Variants in PVALB observed in about 807,000 individuals in gnomAD.
PVALB encodes the protein parvalbumin alpha.
Under a neutral mutation model 10.9 loss-of-function variants are expected in PVALB, and 11 were observed. The ratio of observed to expected loss-of-function variants is 1.01; its 90% CI spans 0.63 to 1.67. The LOEUF is 1.67. PVALB is among the 40% of genes most tolerant of loss of function. PVALB has a pLI of 0.00. For synonymous variants in PVALB, 57 were observed against 50.7 expected, an observed-to-expected ratio of 1.12 and a Z score of -0.53; for missense variants, 131 against 136.2, an observed-to-expected ratio of 0.96 and a Z score of 0.19.
intron 3 of PVALB, among the ~76,000 whole-genome samples, chr22:36,803,253 T>C (rs1938896204): frequency 6.6e-6 from 1 of 152,236 alleles, no homozygotes; most frequent in Non-Finnish European, 1.5e-5. Flanking sequence ...CCGACCTACT[T>C]TGACCTTGGT....
Position 36,800,819 on chromosome 22 carries a change from A to T in PVALB, c.*71T>A. 6.7e-7 allele frequency: 1 copy of T among 1,482,686 alleles called. No individual in the cohort carries two copies. Among genetic ancestry groups the T allele is most frequent in the Non-Finnish European group, 9.4e-7 (1 of 1,060,398 alleles). The allele number at this position is 1,482,686 out of a possible 1,614,324, so 91.8% of individuals were successfully genotyped here. Reference sequence around the variant, plus strand: ...TAAACGAACTGAACAGAAATGCAGGAGGGTGGCGAGAGGGGCCGAGATTGG... The same window carrying T: ...TAAACGAACTGAACAGAAATGCAGGTGGGTGGCGAGAGGGGCCGAGATTGG... On this transcript the variant is annotated 3_prime_UTR_variant, in exon 4 of 4. Coordinates refer to ENST00000417718, the MANE Select transcript of PVALB (RefSeq NM_001315532.2).
intron 3 of PVALB, among the ~76,000 whole-genome samples, chr22:36,802,528 G>C (rs1359444566): frequency 6.8e-6 from 1 of 147,596 alleles, no homozygotes; most frequent in African/African-American, 2.6e-5. Flanking sequence ...TTGAACACAG[G>C]AGGCAGAGGT....
chr22:36,800,767 C>T lies in PVALB; in HGVS notation c.*123G>A. The T allele has an allele frequency of 1.8e-6, 2 of 1,088,886 alleles. No individual in the cohort carries two copies. The highest frequency in any genetic ancestry group is 3.5e-5 in the Admixed American group (2 of 57,620). 67.5% of individuals were successfully genotyped at this position (1,088,886 alleles called of 1,614,324 possible). A position where few individuals can be genotyped will look rare whatever the true frequency, so the allele number is the denominator to read the frequency against. On this transcript the variant is annotated 3_prime_UTR_variant, in exon 4 of 4. Coordinates refer to ENST00000417718, the MANE Select transcript of PVALB (RefSeq NM_001315532.2). ...GAAGAATGGTGTCATTAGAGGGCCACAGGGGATGGGGGAGTAAAAAATAAC... is the reference window on the plus strand; with the variant it reads ...GAAGAATGGTGTCATTAGAGGGCCATAGGGGATGGGGGAGTAAAAAATAAC...
rs770824032 is a variant in PVALB at position 36,800,853 on chromosome 22, G to A, written c.*37C>T. On this transcript the variant is annotated 3_prime_UTR_variant, in exon 4 of 4. Coordinates refer to ENST00000417718, the MANE Select transcript of PVALB (RefSeq NM_001315532.2). The stretch of plus-strand genomic sequence containing the variant: ...AGAGGGGCCGAGATTGGGTGTTCAG[G>A]GCAGAGAGGTGGAAGACCAGGGGCA... The A allele has an allele frequency of 8.8e-6, 14 of 1,583,690 alleles. No homozygotes were observed. The highest frequency in any genetic ancestry group is 1.2e-5 in the Non-Finnish European group (14 of 1,152,412).
intron 3 of PVALB, among the ~76,000 whole-genome samples, chr22:36,801,430 G>C (rs971479427): frequency 2.6e-5 from 4 of 152,214 alleles, no homozygotes; most frequent in African/African-American, 9.6e-5. Context: ...GTGCCACTAC[G>C]TGTCTCTGAG....
At position 36,813,658 on chromosome 22, in the gene PVALB, T is replaced by A; in HGVS notation, c.292A>T (p.Ile98Phe). Reference protein sequence around the residue: ...AAGDKDGDGKIGVDEFSTLVA... With the variant: ...AAGDKDGDGKFGVDEFSTLVA... ...CACGGCTACCCACCGTCAACCCCAA[T>A]TTTGCCGTCCCCATCTTTGTCTCCA... The change falls in exon 3 of 4, where the codon ATT becomes TTT. Residue 98 changes from isoleucine to phenylalanine, a missense_variant. By Grantham distance (21) the Ile-to-Phe change is conservative (BLOSUM62 0). Transcript: ENST00000417718. The A allele has an allele frequency of 1.2e-6, 2 of 1,613,466 alleles. No individual in the cohort carries two copies. The highest frequency in any genetic ancestry group is 1.7e-6 in the Non-Finnish European group (2 of 1,179,498).
intron 3 of PVALB, among the ~76,000 whole-genome samples, chr22:36,809,803 C>T (rs78135915): frequency 0.02 from 3,033 of 149,714 alleles, 112 homozygotes; most frequent in African/African-American, 0.07. Context: ...TGTGAAATCC[C>T]GGGGCTGGAA....
At position 36,808,863 on chromosome 22, in the gene PVALB, C is replaced by T. The variant is rs115104849; in HGVS notation, c.304+4783G>A. ...CCCTTCACCTCTTTTTCTAGCTTCT[C>T]TTTCCTTTTCAGCCTTAAGCCCTCC... On this transcript the variant is annotated intron_variant, in intron 3 of 3. Coordinates refer to ENST00000417718, the MANE Select transcript of PVALB (RefSeq NM_001315532.2). Among the ~76,000 whole-genome samples, 695 of 152,286 alleles carry T rather than the reference C, an allele frequency of 4.6e-3. 4 individuals are homozygous for T. Among genetic ancestry groups the T allele is most frequent in the African/African-American group, 0.016 (664 of 41,554 alleles).
chr22:36,808,349 G>C (rs941689924), intron 3 of PVALB, among the ~76,000 whole-genome samples: 1 of 151,970 alleles, frequency 6.6e-6, no homozygotes, highest in African/African-American at 2.4e-5. Flanking sequence ...CTCTGCGGGG[G>C]CAGGCATTGA....
intron 3 of PVALB, among the ~76,000 whole-genome samples, chr22:36,802,603 C>CAAAAA (rs60843863): frequency 3.6e-5 from 1 of 27,772 alleles, no homozygotes; most frequent in African/African-American, 1.2e-4. Flanking sequence ...CCATCTCACA[C>CAAAAA]AAAAAAAAAA....
intron 2 of PVALB, among the ~76,000 whole-genome samples, chr22:36,813,970 G>T (rs1266154083): frequency 1.3e-5 from 2 of 152,228 alleles, no homozygotes; most frequent in Admixed American, 1.3e-4. Context: ...GCTGTCCTCA[G>T]TGAAGGGTTG....
At chr22:36,807,245 C>T (rs551467781) in intron 3 of PVALB, among the ~76,000 whole-genome samples, 1 of 152,312 alleles carries the variant, frequency 6.6e-6, no homozygotes, top group Non-Finnish European at 1.5e-5. Context: ...TTGGCACTTA[C>T]TGTCTACGGG....
chr22:36,810,596 C>T (rs564567480), intron 3 of PVALB, among the ~76,000 whole-genome samples: 1 of 152,320 alleles, frequency 6.6e-6, no homozygotes, highest in East Asian at 1.9e-4. Flanking sequence ...AATCCTGGCC[C>T]TGACACTTGC....
At chr22:36,802,200 C>G (rs1185159223) in intron 3 of PVALB, among the ~76,000 whole-genome samples, 1 of 152,088 alleles carries the variant, frequency 6.6e-6, no homozygotes, top group East Asian at 1.9e-4. Flanking sequence ...GTACAGGACT[C>G]TCTGTACTAT....
intron 2 of PVALB, 48 bp from the exon 3 acceptor site, chr22:36,813,803 G>A (rs753812508): frequency 1.1e-5 from 16 of 1,429,114 alleles, no homozygotes; most frequent in African/African-American, 8.4e-5. Flanking sequence ...GGCCGAGGTC[G>A]CCTTGCAGGA....
Position 36,806,429 on chromosome 22 carries a change from G to A in PVALB, c.305-5511C>T, listed in dbSNP as rs149240431. ...ATTAGGTCTGTCCCAGTCCAAGGCC[G>A]CGGGGATTGGACAAATTTAGAAGCT... On this transcript the variant is annotated intron_variant, in intron 3 of 3. Transcript: ENST00000417718. 2.1e-3 allele frequency among the ~76,000 whole-genome samples: 314 copies of A among 152,282 alleles called. 2 individuals carry two copies. The highest frequency in any genetic ancestry group is 6.5e-3 in the African/African-American group (271 of 41,546).
intron 1 of PVALB, chr22:36,816,362 AG>A (rs2145955516): frequency 6.6e-6 from 1 of 152,392 alleles, no homozygotes; most frequent in East Asian, 1.9e-4. Flanking sequence ...AGGAGGCTGG[AG>A]GTTTGAGGCA....
At chr22:36,811,785 G>A (rs1202850426) in intron 3 of PVALB, among the ~76,000 whole-genome samples, 2 of 152,136 alleles carry the variant, frequency 1.3e-5, no homozygotes, top group Non-Finnish European at 1.5e-5. Flanking sequence ...TAAGCAGATT[G>A]GTGGGGATGG....
intron 1 of PVALB, among the ~76,000 whole-genome samples, chr22:36,816,731 C>T (rs1017385422): frequency 6.6e-6 from 1 of 152,172 alleles, no homozygotes; most frequent in African/African-American, 2.4e-5. Flanking sequence ...TTAGGCGGGG[C>T]GCCCTCTTCC....
Sources: allele counts gnomAD v4.1 joint callset (sites outside exome capture counted in the v4.1 genomes callset), GRCh38; gene constraint gnomAD v4.1.1; transcripts MANE v1.5; gene names NCBI Gene and HGNC (gene_info 2026-07-23, HGNC 2026-07-21).